BCKDHB: variants seen among roughly 807,000 people sequenced by gnomAD.
BCKDHB encodes the protein 2-oxoisovalerate dehydrogenase subunit beta, mitochondrial.
A neutral mutation model predicts 48.5 loss-of-function variants in BCKDHB; 41 were observed. That is an observed-to-expected ratio of 0.85 (90% CI 0.66 to 1.10). BCKDHB has a LOEUF of 1.10. Ranked by LOEUF, BCKDHB falls within the 50% of genes least tolerant of loss-of-function variation. The probability of loss-of-function intolerance (pLI) is 0.00; values close to 1 mark genes in which losing one functional copy is unlikely to be tolerated. For missense variants in BCKDHB, 496 were observed against 494.2 expected (o/e 1.00, Z -0.03); for synonymous variants, 201 against 174.8 (o/e 1.15, Z -1.18).
At chr6:80,338,350 G>A (rs997597357) in intron 9 of BCKDHB, among the ~76,000 whole-genome samples, 4 of 152,278 alleles carry the variant, frequency 2.6e-5, no homozygotes, top group Admixed American at 2.6e-4. Context: ...TTTCTATAGT[G>A]GGAAATAGGC....
chr6:80,185,660 A>T (rs1168208593), intron 6 of BCKDHB, among the ~76,000 whole-genome samples: 1 of 152,120 alleles, frequency 6.6e-6, no homozygotes, highest in Admixed American at 6.5e-5. Flanking sequence ...GGACTTCCTG[A>T]GAGAGCTGGA....
At chr6:80,368,610 G>T in the BCKDHB span, among the ~76,000 whole-genome samples, 1 of 152,088 alleles carries the variant, frequency 6.6e-6, no homozygotes, top group African/African-American at 2.4e-5. Context: ...CCAAGATTTA[G>T]AGTAGATTTC....
At chr6:80,325,591 A>C (rs1768992832) in intron 9 of BCKDHB, among the ~76,000 whole-genome samples, 1 of 152,230 alleles carries the variant, frequency 6.6e-6, no homozygotes, top group Non-Finnish European at 1.5e-5. Context: ...TGTAAATGAC[A>C]CATGTTTGAG....
chr6:80,407,612 A>G, the BCKDHB span, among the ~76,000 whole-genome samples: 4 of 152,162 alleles, frequency 2.6e-5, no homozygotes, highest in South Asian at 2.1e-4. Context: ...TTCCCTTTGT[A>G]GCAATTGTGA....
intron 8 of BCKDHB, among the ~76,000 whole-genome samples, chr6:80,232,785 A>T (rs1002724140): frequency 6.6e-6 from 1 of 150,578 alleles, no homozygotes; most frequent in African/African-American, 2.4e-5. Flanking sequence ...TATCTGTGTT[A>T]TATATGTATG....
the BCKDHB span, chr6:80,440,927 A>G: frequency 2.0e-5 from 3 of 152,186 alleles, no homozygotes; most frequent in Non-Finnish European, 4.4e-5. Flanking sequence ...AACTTCATGC[A>G]CATGTGTGAC....
In BCKDHB at chr6:80,149,852, T is replaced by G. The variant is rs186375606; in HGVS notation, c.344-17826T>G. On this transcript the variant is annotated intron_variant, in intron 3 of 9. Transcript: ENST00000320393. ...ATGGGATGGGGGGAGGGGGGAGGGATAGCATTAGGAGATATACCTAATGCT... is the reference window on the plus strand; with the variant it reads ...ATGGGATGGGGGGAGGGGGGAGGGAGAGCATTAGGAGATATACCTAATGCT... 1.7e-3 allele frequency among the ~76,000 whole-genome samples: 230 copies of G among 137,690 alleles called. 1 individual carries two copies. The highest frequency in any genetic ancestry group is 5.8e-3 in the African/African-American group (222 of 38,292). The allele number at this position is 137,690 out of a possible 152,430, so 90.3% of individuals were successfully genotyped here. A position where few individuals can be genotyped will look rare whatever the true frequency, so the allele number is the denominator to read the frequency against.
intron 1 of BCKDHB, among the ~76,000 whole-genome samples, chr6:80,108,699 A>G (rs530380093): frequency 6.6e-6 from 1 of 152,212 alleles, no homozygotes; most frequent in South Asian, 2.1e-4. Context: ...GTCTCTACCA[A>G]AAATACAAAA....
chr6:80,281,059 T>C (rs1352177458), intron 9 of BCKDHB, among the ~76,000 whole-genome samples: 1 of 151,598 alleles, frequency 6.6e-6, no homozygotes, highest in Non-Finnish European at 1.5e-5. Context: ...TATAAGGTAA[T>C]GAGTACATTT....
At chr6:80,312,830 G>T (rs950713925) in intron 9 of BCKDHB, among the ~76,000 whole-genome samples, 1 of 152,136 alleles carries the variant, frequency 6.6e-6, no homozygotes, top group Non-Finnish European at 1.5e-5. Context: ...GACTTGGTTT[G>T]CCAGCATTTT....
chr6:80,117,269 C>T (rs1259039754), intron 1 of BCKDHB, among the ~76,000 whole-genome samples: 3 of 152,128 alleles, frequency 2.0e-5, no homozygotes, highest in Non-Finnish European at 2.9e-5. Context: ...TTATTTTATA[C>T]AAGACGAATA....
At chr6:80,271,653 C>G (rs181091654) in intron 8 of BCKDHB, among the ~76,000 whole-genome samples, 3 of 152,100 alleles carry the variant, frequency 2.0e-5, no homozygotes, top group East Asian at 1.9e-4. Flanking sequence ...TTAAGATGCA[C>G]CAGATAGCTT....
chr6:80,124,901 C>G (rs1166738026), intron 1 of BCKDHB, among the ~76,000 whole-genome samples: 1 of 152,128 alleles, frequency 6.6e-6, no homozygotes, highest in Non-Finnish European at 1.5e-5. Context: ...CTCAAGGGTG[C>G]TAGGACTTTC....
intron 9 of BCKDHB, among the ~76,000 whole-genome samples, chr6:80,294,867 A>G (rs11966262): frequency 0.097 from 14,460 of 148,366 alleles, 949 homozygotes; most frequent in South Asian, 0.22. Context: ...TGTGACCTTT[A>G]TTGGACCCTT....
At chr6:80,200,636 A>G (rs1774346437) in intron 6 of BCKDHB, among the ~76,000 whole-genome samples, 1 of 152,146 alleles carries the variant, frequency 6.6e-6, no homozygotes, top group South Asian at 2.1e-4. Context: ...ATAAACCAAT[A>G]TTGATACATT....
chr6:80,294,344 T>G (rs1767108557), intron 9 of BCKDHB, among the ~76,000 whole-genome samples: 1 of 152,194 alleles, frequency 6.6e-6, no homozygotes, highest in Non-Finnish European at 1.5e-5. Flanking sequence ...TTGTGTTAAC[T>G]GTACAAATTG....
the BCKDHB span, chr6:80,465,907 C>T: frequency 1.3e-5 from 2 of 152,262 alleles, no homozygotes; most frequent in Non-Finnish European, 2.9e-5. Flanking sequence ...TGCTTTGTGT[C>T]TCCATTGCCT....
the BCKDHB span, among the ~76,000 whole-genome samples, chr6:80,366,008 A>T: frequency 2.6e-5 from 4 of 152,308 alleles, no homozygotes; most frequent in Admixed American, 2.6e-4. Flanking sequence ...TCACTCAAAG[A>T]TGTCTTACAG....
At chr6:80,182,038 T>G (rs1276964465) in intron 6 of BCKDHB, among the ~76,000 whole-genome samples, 1 of 152,224 alleles carries the variant, frequency 6.6e-6, no homozygotes. Context: ...CAGTTTCCAT[T>G]TGATTACAAG....
Sources: gnomAD v4.1 joint callset for allele counts (sites outside exome capture counted in the v4.1 genomes callset) on GRCh38, gnomAD v4.1.1 for gene constraint, MANE v1.5 for transcripts, NCBI Gene and HGNC (gene_info 2026-07-23, HGNC 2026-07-21) for gene names.